The following RNF157 variants were observed in gnomAD, a reference collection of about 807,000 sequenced individuals.
The protein encoded by RNF157 is ring finger protein 157, also known as E3 ubiquitin ligase RNF157.
RNF157 carries 55 observed loss-of-function variants against 88.3 expected under a neutral mutation model. The observed-to-expected ratio is 0.62, with a 90% CI of 0.50 to 0.78. RNF157 has a LOEUF of 0.78. Ranked by LOEUF, RNF157 falls within the 30% of genes least tolerant of loss-of-function variation. The pLI is 0.00. For synonymous variants in RNF157, 334 were observed against 341.2 expected, an observed-to-expected ratio of 0.98 and a Z score of 0.23; for missense variants, 788 against 860.8, an observed-to-expected ratio of 0.92 and a Z score of 1.06.
intron 3 of RNF157, among the ~76,000 whole-genome samples, chr17:76,171,963 A>G (rs1440524880): frequency 6.6e-6 from 1 of 152,216 alleles, no homozygotes; most frequent in Non-Finnish European, 1.5e-5. Flanking sequence ...GATGAGAGAA[A>G]CCAAGTGGAC....
At chr17:76,197,085 G>C (rs1261674699) in intron 2 of RNF157, among the ~76,000 whole-genome samples, 1 of 146,962 alleles carries the variant, frequency 6.8e-6, no homozygotes, top group Admixed American at 6.6e-5. Context: ...GTTGTCTATG[G>C]ATGGAATTTG....
intron 2 of RNF157, among the ~76,000 whole-genome samples, chr17:76,206,703 C>T (rs1598429788): frequency 6.6e-6 from 1 of 152,270 alleles, no homozygotes; most frequent in African/African-American, 2.4e-5. Context: ...ACTGCAATGG[C>T]GTGATCTTGG....
At position 76,165,688 on chromosome 17, in the gene RNF157, T is replaced by TG. The variant is rs2068912334; in HGVS notation, c.629-144_629-143insC. ...GGCACGTTATATAACCCATACTTTTTTTTTTTTGAGACAGAGTCTGGCTCT... is the reference window on the plus strand; with the variant it reads ...GGCACGTTATATAACCCATACTTTTTGTTTTTTTGAGACAGAGTCTGGCTCT... On this transcript the variant is annotated intron_variant, in intron 6 of 18. Coordinates refer to ENST00000269391, the MANE Select transcript of RNF157 (RefSeq NM_052916.3). 3.7e-6 allele frequency: 3 copies of TG among 819,264 alleles called. No individual in the cohort carries two copies. In the East Asian group the frequency reaches 7.9e-5, roughly 22 times the overall value. 50.7% of individuals were successfully genotyped at this position (819,264 alleles called of 1,614,324 possible).
intron 1 of RNF157, chr17:76,226,652 T>G (rs1255181928): frequency 6.2e-7 from 1 of 1,612,530 alleles, no homozygotes; most frequent in African/African-American, 1.3e-5. Context: ...CTTAGCCTTG[T>G]CGCTGGAGAA....
rs201446722 is a variant in RNF157 at position 76,209,068 on chromosome 17, C to CT, written c.207+3295dup. On this transcript the variant is annotated intron_variant, in intron 2 of 18. Coordinates refer to ENST00000269391, the MANE Select transcript of RNF157 (RefSeq NM_052916.3). ...CAACAAAAACTCCAATGTTGATGTTCTTTTTTTTTTTAAGTGGCATTTATT... is the reference window on the plus strand; with the variant it reads ...CAACAAAAACTCCAATGTTGATGTTCTTTTTTTTTTTTAAGTGGCATTTATT... Among the ~76,000 whole-genome samples the CT allele has an allele frequency of 2.5e-3, 365 of 146,592 alleles. 3 individuals are homozygous for CT. In the East Asian group the frequency reaches 0.043, roughly 17 times the overall value.
chr17:76,235,868 G>C (rs186448666), intron 1 of RNF157, among the ~76,000 whole-genome samples: 14 of 152,234 alleles, frequency 9.2e-5, no homozygotes, highest in African/African-American at 3.1e-4. Flanking sequence ...CATTAGCCAG[G>C]CATGGTGGTA....
rs144524285 is a variant in RNF157 at position 76,155,128 on chromosome 17, C to A, written c.1764+124G>T. On this transcript the variant is annotated intron_variant, in intron 16 of 18. Transcript: ENST00000269391. The stretch of plus-strand genomic sequence containing the variant: ...ACATTCCACTTCTCACTGATCTAGG[C>A]ATGTCCCCTAGGAAGGCTTCGTCAG... 3.1e-4 allele frequency: 242 copies of A among 783,006 alleles called. 1 individual carries two copies. The highest frequency in any genetic ancestry group is 4.8e-4 in the Non-Finnish European group (215 of 452,544). The allele number at this position is 783,006 out of a possible 1,614,324, so 48.5% of individuals were successfully genotyped here. A position where few individuals can be genotyped will look rare whatever the true frequency, so the allele number is the denominator to read the frequency against.
At chr17:76,221,298 A>C (rs553547528) in intron 1 of RNF157, among the ~76,000 whole-genome samples, 8 of 152,322 alleles carry the variant, frequency 5.3e-5, no homozygotes, top group South Asian at 2.1e-4. Context: ...CAAATACAAC[A>C]AAGTAGTCTT....
chr17:76,231,556 C>T (rs887849745), intron 1 of RNF157, among the ~76,000 whole-genome samples: 2 of 152,086 alleles, frequency 1.3e-5, no homozygotes, highest in Admixed American at 6.6e-5. Flanking sequence ...CCTTGGCCTC[C>T]CAAAGTGGAA....
intron 1 of RNF157, among the ~76,000 whole-genome samples, chr17:76,238,651 T>C (rs1004770649): frequency 1.3e-5 from 2 of 152,216 alleles, no homozygotes; most frequent in Non-Finnish European, 2.9e-5. Context: ...GTATGCTCCA[T>C]ATTTTGATCA....
chr17:76,156,499 G>A (rs1414009399), intron 13 of RNF157, 178 bp from the exon 14 acceptor site: 2 of 1,414,836 alleles, frequency 1.4e-6, no homozygotes, highest in East Asian at 2.6e-5. Context: ...GCCCAAGCCT[G>A]GAATGACTGC....
At chr17:76,207,541 T>C (rs1359651713) in intron 2 of RNF157, among the ~76,000 whole-genome samples, 1 of 152,224 alleles carries the variant, frequency 6.6e-6, no homozygotes. Flanking sequence ...TGACAGGGAA[T>C]TGCACAAGCC....
intron 2 of RNF157, among the ~76,000 whole-genome samples, chr17:76,184,517 G>A (rs999901290): frequency 4.6e-5 from 7 of 152,186 alleles, no homozygotes; most frequent in Non-Finnish European, 1.0e-4. Flanking sequence ...CTTGAATGCT[G>A]TGAAGTGAAT....
chr17:76,194,744 G>C (rs547045566), intron 2 of RNF157, among the ~76,000 whole-genome samples: 6 of 152,148 alleles, frequency 3.9e-5, no homozygotes, highest in African/African-American at 1.2e-4. Context: ...GGCCGGGCAC[G>C]GTGGCTCACA....
At chr17:76,191,362 C>T (rs1259034151) in intron 2 of RNF157, among the ~76,000 whole-genome samples, 1 of 151,962 alleles carries the variant, frequency 6.6e-6, no homozygotes, top group African/African-American at 2.4e-5. Flanking sequence ...CCTGTAATCC[C>T]AACACTTTGG....
intron 8 of RNF157, 49 bp from the exon 9 acceptor site, chr17:76,162,672 A>G (rs997891171): frequency 7.2e-7 from 1 of 1,383,966 alleles, no homozygotes. Context: ...CTACTGAGAG[A>G]CAAGAGTGGG....
rs540369129 is a variant in RNF157, at chr17:76,221,276, C to T, written c.89-8794G>A. 2.5e-4 allele frequency among the ~76,000 whole-genome samples: 38 copies of T among 152,236 alleles called. No homozygotes were observed. The South Asian group carries it at 6.6e-3, about 27-fold the overall frequency. On this transcript the variant is annotated intron_variant, in intron 1 of 18. Transcript: ENST00000269391. ...CCCACAAAAAAGACAACCAGATACA[C>T]GCTAGTGACAGCAAATACAACAAAG...
intron 18 of RNF157, among the ~76,000 whole-genome samples, chr17:76,147,784 G>T (rs772714860): frequency 6.6e-6 from 1 of 152,206 alleles, no homozygotes; most frequent in South Asian, 2.1e-4. Flanking sequence ...CCGCCATTTT[G>T]TCTGGCTGAA....
intron 1 of RNF157, among the ~76,000 whole-genome samples, chr17:76,238,649 C>T (rs2070322339): frequency 6.6e-6 from 1 of 152,154 alleles, no homozygotes; most frequent in Admixed American, 6.5e-5. Context: ...AAGTATGCTC[C>T]ATATTTTGAT....
Sources: gnomAD v4.1 joint callset for allele counts (sites outside exome capture counted in the v4.1 genomes callset) on GRCh38, gnomAD v4.1.1 for gene constraint, MANE v1.5 for transcripts, NCBI Gene and HGNC (gene_info 2026-07-23, HGNC 2026-07-21) for gene names.